The following DUSP29 variants were observed in gnomAD, a reference collection of about 807,000 sequenced individuals.
DUSP29 encodes dual specificity phosphatase 29, also known as atypical dual-specific protein phosphatase.
In DUSP29, 12 loss-of-function variants were observed where a neutral mutation model predicts 13.5. The ratio of observed to expected loss-of-function variants is 0.89; its 90% CI spans 0.57 to 1.44. The LOEUF is 1.44. Among genes scored for constraint, DUSP29 ranks in the 40% most tolerant of loss-of-function variants. The probability of loss-of-function intolerance (pLI) is 0.00; values close to 1 mark genes in which losing one functional copy is unlikely to be tolerated. For missense variants in DUSP29, 308 were observed against 301.1 expected (o/e 1.02, Z -0.17); for synonymous variants, 134 against 128.7 (o/e 1.04, Z -0.28).
chr10:75,041,739 A>G (rs1452270868), intron 3 of DUSP29, among the ~76,000 whole-genome samples: 5 of 152,060 alleles, frequency 3.3e-5, no homozygotes, highest in Admixed American at 2.6e-4. Context: ...CATTCATTCT[A>G]TCCCACTCAT....
chr10:75,056,438 G>A (rs917931067), intron 2 of DUSP29, among the ~76,000 whole-genome samples: 3 of 151,512 alleles, frequency 2.0e-5, no homozygotes, highest in African/African-American at 7.3e-5. Context: ...TGAGACAGGA[G>A]AATCACTTGA....
chr10:75,068,478 T>C (rs1296963035), intron 1 of DUSP29, among the ~76,000 whole-genome samples: 1 of 152,126 alleles, frequency 6.6e-6, no homozygotes, highest in African/African-American at 2.4e-5. Flanking sequence ...ACCTTCTAAA[T>C]ATGAAAAATC....
chr10:75,058,180 A>T, intron 2 of DUSP29, 135 bp downstream of exon 2: 1 of 1,063,256 alleles, frequency 9.4e-7, no homozygotes, highest in Non-Finnish European at 1.3e-6. Flanking sequence ...ATGTGAAGGC[A>T]AGCCCAGCCC....
At chr10:75,048,398 CT>C (rs549203411) in intron 2 of DUSP29, among the ~76,000 whole-genome samples, 106 of 126,234 alleles carry the variant, frequency 8.4e-4, no homozygotes, top group Non-Finnish European at 1.0e-3. Flanking sequence ...CTTTTTTTTT[CT>C]TTTTTTTTTT....
chr10:75,055,301 T>C (rs1846934536), intron 2 of DUSP29, among the ~76,000 whole-genome samples: 1 of 152,218 alleles, frequency 6.6e-6, no homozygotes, highest in Admixed American at 6.5e-5. Flanking sequence ...CTTATTTCTG[T>C]AAATTACATT....
In DUSP29 at chr10:75,043,806, C is replaced by A. The variant is rs1479566590; in HGVS notation, c.412G>T (p.Asp138Tyr). 1 of 1,612,868 alleles carries A rather than the reference C, an allele frequency of 6.2e-7. No homozygotes were observed. The highest frequency in any genetic ancestry group is 1.1e-5 in the South Asian group (1 of 91,052). Residue 138 changes from aspartate to tyrosine, a missense_variant, in exon 3 of 4, where the codon GAC becomes TAC. Transcript: ENST00000338487. ...AAAFIDRALS[D>Y]DHSKILVHCV... ...GCCGCGGGTCTCTTACTGTGGTCGT[C>A]GCTTAGCGCTCTGTCGATGAAGGCT...
chr10:75,070,430 A>G (rs1194740520), intron 1 of DUSP29, among the ~76,000 whole-genome samples: 1 of 152,218 alleles, frequency 6.6e-6, no homozygotes, highest in Non-Finnish European at 1.5e-5. Flanking sequence ...GGGCCTTGGA[A>G]TCTCACTACC....
At chr10:75,056,610 T>G (rs561560378) in intron 2 of DUSP29, among the ~76,000 whole-genome samples, 4 of 149,932 alleles carry the variant, frequency 2.7e-5, no homozygotes, top group African/African-American at 9.8e-5. Context: ...GAGGTTGCAG[T>G]GAGTCAAGAT....
chr10:75,061,623 C>T (rs1184886229), intron 1 of DUSP29, among the ~76,000 whole-genome samples: 3 of 152,160 alleles, frequency 2.0e-5, no homozygotes, highest in Admixed American at 6.5e-5. Context: ...CAGGGTGCTG[C>T]GGAGTCAAGG....
intron 1 of DUSP29, among the ~76,000 whole-genome samples, chr10:75,059,509 T>C (rs1320400536): frequency 6.6e-6 from 1 of 152,222 alleles, no homozygotes; most frequent in Non-Finnish European, 1.5e-5. Context: ...CAGACACTAT[T>C]CCAAGTGCTT....
Position 75,064,263 on chromosome 10 carries a change from A to C in DUSP29, c.-34-5715T>G, listed in dbSNP as rs148029785. Among the ~76,000 whole-genome samples, 1,422 of 152,174 alleles carry C rather than the reference A, an allele frequency of 9.3e-3. 25 individuals are homozygous for C. The highest frequency in any genetic ancestry group is 0.033 in the African/African-American group (1,355 of 41,498). ...GGTGGCTCACGCCTGTAATCCCAGC[A>C]CTTTGGGAGGCCAAGGCAGGTGGAT... On this transcript the variant is annotated intron_variant, in intron 1 of 3. Coordinates refer to ENST00000338487, the MANE Select transcript of DUSP29 (RefSeq NM_001003892.3).
At position 75,067,239 on chromosome 10, in the gene DUSP29, C is replaced by T. The variant is rs181460035; in HGVS notation, c.-35+6330G>A. ...CCTTCCAGAGTGCTGGGATTACAGG[C>T]GTGAGCCACTGCACCCGGCCTGAAT... On this transcript the variant is annotated intron_variant, in intron 1 of 3. Coordinates refer to ENST00000338487, the MANE Select transcript of DUSP29 (RefSeq NM_001003892.3). Among the ~76,000 whole-genome samples, 319 of 152,250 alleles carry T rather than the reference C, an allele frequency of 2.1e-3. 1 individual carries two copies. Among genetic ancestry groups the T allele is most frequent in the African/African-American group, 7.3e-3 (302 of 41,550 alleles).
At chr10:75,053,506 A>G (rs1846890476) in intron 2 of DUSP29, among the ~76,000 whole-genome samples, 1 of 152,242 alleles carries the variant, frequency 6.6e-6, no homozygotes, top group Admixed American at 6.5e-5. Context: ...GTTGCCACAT[A>G]AGGTGAAGAG....
chr10:75,057,152 G>A (rs1411808211), intron 2 of DUSP29, among the ~76,000 whole-genome samples: 1 of 152,042 alleles, frequency 6.6e-6, no homozygotes, highest in Non-Finnish European at 1.5e-5. Flanking sequence ...GCAGGTGCCT[G>A]TAATCCCAGC....
At chr10:75,070,909 C>T (rs1448312711) in intron 1 of DUSP29, among the ~76,000 whole-genome samples, 4 of 152,238 alleles carry the variant, frequency 2.6e-5, no homozygotes, top group African/African-American at 9.6e-5. Context: ...GAGATTAAAA[C>T]ACCATCTGCT....
chr10:75,045,378 A>AGAAAT (rs112763431), intron 2 of DUSP29, among the ~76,000 whole-genome samples: 32,898 of 151,872 alleles, frequency 0.22, 7,353 homozygotes, highest in African/African-American at 0.57. Context: ...AAAAAACAAA[A>AGAAAT]GAACAGGTTA....
chr10:75,057,304 T>A (rs1029110778), intron 2 of DUSP29, among the ~76,000 whole-genome samples: 4 of 151,354 alleles, frequency 2.6e-5, no homozygotes, highest in Non-Finnish European at 4.4e-5. Flanking sequence ...AGAAAAAAAA[T>A]AAATACAATA....
intron 2 of DUSP29, among the ~76,000 whole-genome samples, chr10:75,050,924 G>T (rs1846814164): frequency 6.6e-6 from 1 of 152,228 alleles, no homozygotes; most frequent in African/African-American, 2.4e-5. Flanking sequence ...CACTGGCAGG[G>T]CCACCTTTCC....
intron 2 of DUSP29, among the ~76,000 whole-genome samples, chr10:75,057,320 T>C (rs1210316118): frequency 1.3e-5 from 2 of 151,896 alleles, no homozygotes; most frequent in African/African-American, 4.8e-5. Flanking sequence ...CAATAATATA[T>C]GGAGGGGTCC....
Sources: gnomAD v4.1 joint callset for allele counts (sites outside exome capture counted in the v4.1 genomes callset) on GRCh38, gnomAD v4.1.1 for gene constraint, MANE v1.5 for transcripts, NCBI Gene and HGNC (gene_info 2026-07-23, HGNC 2026-07-21) for gene names.